Variants in ICE1 observed in about 807,000 individuals in gnomAD.
ICE1 encodes little elongation complex subunit 1.
Under a neutral mutation model 192.7 loss-of-function variants are expected in ICE1, and 64 were observed. That is an observed-to-expected ratio of 0.33 (90% confidence interval 0.27 to 0.41). The LOEUF (loss-of-function observed/expected upper bound fraction) is 0.41, where lower values mean the gene tolerates loss of function less well. Among genes scored for constraint, ICE1 ranks in the 10% least tolerant of loss-of-function variants. The pLI, the probability that ICE1 is intolerant of heterozygous loss-of-function variation, is 1.00. For synonymous variants in ICE1, 1,010 were observed against 984.5 expected, an observed-to-expected ratio of 1.03 and a Z score of -0.49; for missense variants, 2,708 against 2,696.0, an observed-to-expected ratio of 1.00 and a Z score of -0.10.
intron 7 of ICE1, 80 bp downstream of exon 7, chr5:5,444,406 C>T: frequency 1.0e-6 from 1 of 958,748 alleles, no homozygotes; most frequent in Non-Finnish European, 1.6e-6. Flanking sequence ...ACTTCTTGAT[C>T]AAATAGTTGA....
Position 5,454,617 on chromosome 5 carries a change from G to A in ICE1, c.670G>A (p.Glu224Lys). ...CVNTTHRLPG[E>K]GSRCVPEKPA... Reference sequence around the variant, plus strand: ...AAACACAACACACAGACTACCTGGTGAAGGCAGCAGGTGTGTCCCAGGTGA... The same window carrying A: ...AAACACAACACACAGACTACCTGGTAAAGGCAGCAGGTGTGTCCCAGGTGA... The change falls in exon 11 of 19, where the codon GAA (glutamate) becomes AAA (lysine). Residue 224 changes from glutamate to lysine, a missense_variant. Glu to Lys is a moderately conservative substitution (Grantham distance 56, BLOSUM62 1). Around this residue, in one of 2 missense-constraint regions of ICE1, gnomAD observed 2,366 missense variants for 2,276.6 expected, o/e 1.04. Coordinates refer to ENST00000296564, the MANE Select transcript of ICE1 (RefSeq NM_015325.3). 6.2e-7 allele frequency: 1 copy of A among 1,613,492 alleles called. No homozygotes were observed. The highest frequency in any genetic ancestry group is 1.7e-5 in the Admixed American group (1 of 59,968).
intron 15 of ICE1, among the ~76,000 whole-genome samples, chr5:5,469,442 A>T (rs1712365364): frequency 6.6e-6 from 1 of 151,968 alleles, no homozygotes; most frequent in Non-Finnish European, 1.5e-5. Context: ...GTTATCTTTT[A>T]TTATTATTTT....
intron 1 of ICE1, among the ~76,000 whole-genome samples, chr5:5,433,505 C>T (rs927369797): frequency 4.6e-5 from 7 of 152,078 alleles, no homozygotes; most frequent in Non-Finnish European, 7.4e-5. Flanking sequence ...TTCCGTTTGT[C>T]TTTTATCCTC....
At chr5:5,478,711 G>A (rs989397942) in intron 17 of ICE1, among the ~76,000 whole-genome samples, 4 of 152,166 alleles carry the variant, frequency 2.6e-5, no homozygotes, top group African/African-American at 9.7e-5. Context: ...AAAGGCTATA[G>A]AAGCCAAAAT....
At chr5:5,465,853 A>G (rs1382897800) in intron 13 of ICE1, among the ~76,000 whole-genome samples, 1 of 152,202 alleles carries the variant, frequency 6.6e-6, no homozygotes. Context: ...AAGGAAGTGA[A>G]TGCATATATC....
In ICE1 at chr5:5,463,895, A is replaced by G. The variant is rs1738887289; in HGVS notation, c.4561A>G (p.Ile1521Val). Residue 1521 changes from isoleucine to valine, a missense_variant, in exon 13 of 19, where the codon ATT becomes GTT. Physicochemically the swap from Ile to Val is conservative, Grantham distance 29. This residue lies in a region of ICE1 where 2,366 missense variants were observed against 2,276.6 expected (regional missense o/e 1.04). Coordinates refer to ENST00000296564, the MANE Select transcript of ICE1 (RefSeq NM_015325.3). ...RNRPVKPSIW[I>V]SSQIYDQNFE... ...TAGACCCGTTAAGCCTAGTATATGG[A>G]TTAGTTCTCAAATCTATGATCAAAA... 6.2e-7 allele frequency: 1 copy of G among 1,614,014 alleles called. No individual in the cohort carries two copies. The highest frequency in any genetic ancestry group is 1.7e-5 in the Admixed American group (1 of 60,022).
In ICE1 at chr5:5,460,684, A is replaced by T; in HGVS notation, c.1350A>T (p.Arg450Ser). Residue 450 changes from arginine to serine, a missense_variant, in exon 13 of 19, where the codon AGA becomes AGT. Coordinates refer to ENST00000296564, the MANE Select transcript of ICE1 (RefSeq NM_015325.3). ...TCGAGACTTTCACAGCAACACTGAG[A>T]GAATCTTCTGCCACACACTCCTTAG... ...SGLETFTATL[R>S]ESSATHSLVG... 1 of 1,613,998 alleles carries T rather than the reference A, an allele frequency of 6.2e-7. No individual in the cohort carries two copies. Among genetic ancestry groups the T allele is most frequent in the Non-Finnish European group, 8.5e-7 (1 of 1,179,904 alleles).
At chr5:5,431,575 C>A (rs1737712257) in intron 1 of ICE1, among the ~76,000 whole-genome samples, 1 of 152,176 alleles carries the variant, frequency 6.6e-6, no homozygotes, top group South Asian at 2.1e-4. Context: ...TTGCCCTTTG[C>A]CATTTCGAAG....
chr5:5,467,985 C>T (rs1739040068), intron 14 of ICE1, among the ~76,000 whole-genome samples: 1 of 152,166 alleles, frequency 6.6e-6, no homozygotes, highest in South Asian at 2.1e-4. Context: ...CATCTTGACT[C>T]ATAGGAGCCC....
At chr5:5,441,072 T>C (rs1561077183) in intron 4 of ICE1, 40 bp from the exon 5 acceptor site, 2 of 1,223,284 alleles carry the variant, frequency 1.6e-6, no homozygotes, top group Non-Finnish European at 2.3e-6. Context: ...TACTTCGTTA[T>C]AGATCCTTTT....
intron 17 of ICE1, among the ~76,000 whole-genome samples, chr5:5,484,460 G>A (rs547033706): frequency 6.1e-4 from 93 of 152,346 alleles, no homozygotes; most frequent in African/African-American, 2.0e-3. Context: ...GACAGATCCA[G>A]TGGTATGCTG....
rs751679139 is a variant in ICE1 at position 5,462,256 on chromosome 5, A to G, written c.2922A>G (p.Glu974=). The stretch of plus-strand genomic sequence containing the variant: ...TCCAAAACCAAGACATTGTGAGAGA[A>G]GCTGCAGTGCAGGGAGATGGGCAGA... ...ILIQNQDIVR[E]AAVQGDGQKQ... The change falls in exon 13 of 19, where the codon GAA becomes GAG. Residue 974 remains glutamate, a synonymous_variant. Coordinates refer to ENST00000296564, the MANE Select transcript of ICE1 (RefSeq NM_015325.3). The G allele has an allele frequency of 2.1e-5, 34 of 1,612,500 alleles. No individual in the cohort carries two copies. The highest frequency in any genetic ancestry group is 2.5e-5 in the Non-Finnish European group (30 of 1,179,062).
Position 5,489,499 on chromosome 5 carries a change from G to T in ICE1, c.*169G>T. ...GGCAAGGAGACAGGAGAAACAAGCA[G>T]TCGCATAGTCGTTTTTCCCTAAATC... On this transcript the variant is annotated 3_prime_UTR_variant, in exon 19 of 19. Transcript: ENST00000296564. 1 of 571,356 alleles carries T rather than the reference G, an allele frequency of 1.8e-6. No individual in the cohort carries two copies. Among genetic ancestry groups the T allele is most frequent in the African/African-American group, 1.9e-5 (1 of 53,408 alleles). 35.4% of individuals were successfully genotyped at this position (571,356 alleles called of 1,614,324 possible).
In ICE1 at chr5:5,463,504, C is replaced by G; in HGVS notation, c.4170C>G (p.Ala1390=). 2 of 1,613,162 alleles carry G rather than the reference C, an allele frequency of 1.2e-6. No homozygotes were observed. Among genetic ancestry groups the G allele is most frequent in the Non-Finnish European group, 1.7e-6 (2 of 1,179,492 alleles). The part of the protein sequence containing the change: ...PSIEQSSNCE[A]ETTFQCQIAT... ...TAGAGCAAAGTTCTAACTGCGAGGC[C>G]GAAACAACATTTCAGTGTCAGATAG... Residue 1390 remains alanine, a synonymous_variant, in exon 13 of 19, where the codon GCC becomes GCG. Coordinates refer to ENST00000296564, the MANE Select transcript of ICE1 (RefSeq NM_015325.3).
At position 5,452,619 on chromosome 5, in the gene ICE1, T is replaced by C. The variant is rs112303232; in HGVS notation, c.605-1933T>C. On this transcript the variant is annotated intron_variant, in intron 10 of 18. Transcript: ENST00000296564. Reference sequence around the variant, plus strand: ...ATGTATTTATAAATATACAGAAATATTCAAAGTCCCATAGATGTTTTCTAT... The same window carrying C: ...ATGTATTTATAAATATACAGAAATACTCAAAGTCCCATAGATGTTTTCTAT... Among the ~76,000 whole-genome samples, 808 of 152,122 alleles carry C rather than the reference T, an allele frequency of 5.3e-3. 6 individuals carry two copies. The highest frequency in any genetic ancestry group is 0.027 in the East Asian group (139 of 5,158).
intron 1 of ICE1, among the ~76,000 whole-genome samples, chr5:5,425,004 C>T (rs1208112506): frequency 1.3e-5 from 2 of 152,202 alleles, no homozygotes; most frequent in Non-Finnish European, 2.9e-5. Context: ...GTGAACTGTG[C>T]TTTTCAGTCA....
chr5:5,478,261 G>C (rs1739397942), intron 17 of ICE1, among the ~76,000 whole-genome samples: 1 of 152,216 alleles, frequency 6.6e-6, no homozygotes, highest in African/African-American at 2.4e-5. Flanking sequence ...CTTCAGCAAA[G>C]TCTCAGGATA....
Position 5,461,290 on chromosome 5 carries a change from C to T in ICE1, c.1956C>T (p.Asp652=). ...GSNPQSSSGL[D]CGNDTDITTK... ...ATCCCCAGTCTTCTTCTGGGTTAGA[C>T]TGTGGTAATGATACAGATATTACTA... is the stretch of plus-strand genomic sequence containing the variant. Residue 652 remains aspartate (D), a synonymous_variant, in exon 13 of 19, where the codon GAC becomes GAT. Coordinates refer to ENST00000296564, the MANE Select transcript of ICE1 (RefSeq NM_015325.3). 6.2e-7 allele frequency: 1 copy of T among 1,613,874 alleles called. No individual in the cohort carries two copies. The highest frequency in any genetic ancestry group is 8.5e-7 in the Non-Finnish European group (1 of 1,179,820).
chr5:5,461,471 T>G lies in ICE1; in HGVS notation c.2137T>G (p.Ser713Ala). 1 of 1,613,990 alleles carries G rather than the reference T, an allele frequency of 6.2e-7. No individual in the cohort carries two copies. The highest frequency in any genetic ancestry group is 1.3e-5 in the African/African-American group (1 of 75,048). The change falls in exon 13 of 19, where the codon TCT becomes GCT. Residue 713 changes from serine (S) to alanine (A), a missense_variant. Around this residue, in one of 2 missense-constraint regions of ICE1, gnomAD observed 2,366 missense variants for 2,276.6 expected, o/e 1.04. Coordinates refer to ENST00000296564, the MANE Select transcript of ICE1 (RefSeq NM_015325.3). ...TGCCTTGAGCCCTGAATTGGGAGCA[T>G]CTAATTTTAATGATCAGAAGAGCAG... Reference protein sequence around the residue: ...LCALSPELGASNFNDQKSSGI... With the variant: ...LCALSPELGAANFNDQKSSGI...
Sources: allele counts gnomAD v4.1 joint callset (sites outside exome capture counted in the v4.1 genomes callset), GRCh38; gene constraint gnomAD v4.1.1; regional missense constraint gnomAD v4.1.1; transcripts MANE v1.5; gene names NCBI Gene and HGNC (gene_info 2026-07-23, HGNC 2026-07-21).